The following PLGRKT variants were observed in gnomAD, a reference collection of about 807,000 sequenced individuals.
The protein encoded by PLGRKT is plasminogen receptor (KT).
In PLGRKT, 22 loss-of-function variants were observed where a neutral mutation model predicts 18.5. That is an observed-to-expected ratio of 1.19 (90% confidence interval 0.85 to 1.70). The LOEUF (loss-of-function observed/expected upper bound fraction) is 1.70, where lower values mean the gene tolerates loss of function less well. PLGRKT is among the 40% of genes most tolerant of loss of function. The pLI, the probability that PLGRKT is intolerant of heterozygous loss-of-function variation, is 0.00. For synonymous variants in PLGRKT, 72 were observed against 52.8 expected, an observed-to-expected ratio of 1.36 and a Z score of -1.58; for missense variants, 235 against 174.4, an observed-to-expected ratio of 1.35 and a Z score of -1.96.
intron 3 of PLGRKT, among the ~76,000 whole-genome samples, chr9:5,367,190 T>TGC (rs1187974164): frequency 6.6e-6 from 1 of 152,028 alleles, no homozygotes; most frequent in African/African-American, 2.4e-5. Flanking sequence ...ACAGATTAAG[T>TGC]GCTATTCCTA....
At chr9:5,390,582 G>A (rs746781313) in intron 3 of PLGRKT, among the ~76,000 whole-genome samples, 1 of 151,842 alleles carries the variant, frequency 6.6e-6, no homozygotes, top group Non-Finnish European at 1.5e-5. Context: ...AGCAAATCAA[G>A]TTGGGGTTAG....
At chr9:5,371,829 G>A (rs865892698) in intron 3 of PLGRKT, among the ~76,000 whole-genome samples, 4 of 151,776 alleles carry the variant, frequency 2.6e-5, no homozygotes, top group Non-Finnish European at 5.9e-5. Context: ...ATATTTCATA[G>A]TATGATAGCT....
chr9:5,415,790 G>A (rs1218396387), intron 3 of PLGRKT, among the ~76,000 whole-genome samples: 1 of 151,976 alleles, frequency 6.6e-6, no homozygotes, highest in Non-Finnish European at 1.5e-5. Context: ...CTAAATAAAT[G>A]ACCAGTATTT....
chr9:5,388,317 C>T (rs975499522), intron 3 of PLGRKT, among the ~76,000 whole-genome samples: 1 of 151,876 alleles, frequency 6.6e-6, no homozygotes, highest in Non-Finnish European at 1.5e-5. Flanking sequence ...GAGAGATCAA[C>T]TGTGTCAAAA....
chr9:5,391,908 A>G (rs542579190), intron 3 of PLGRKT, among the ~76,000 whole-genome samples: 3 of 152,018 alleles, frequency 2.0e-5, no homozygotes, highest in African/African-American at 7.3e-5. Context: ...ATGCAGAAGT[A>G]GGGATGGGCA....
chr9:5,412,069 C>T (rs1818376332), intron 3 of PLGRKT, among the ~76,000 whole-genome samples: 1 of 152,164 alleles, frequency 6.6e-6, no homozygotes, highest in African/African-American at 2.4e-5. Context: ...TAAAAAGTGT[C>T]TATAATTAAA....
At chr9:5,427,882 T>C (rs551553033) in intron 3 of PLGRKT, among the ~76,000 whole-genome samples, 1 of 152,262 alleles carries the variant, frequency 6.6e-6, no homozygotes, top group African/African-American at 2.4e-5. Context: ...CTTGCCTAGA[T>C]GGTGGTGAGG....
In PLGRKT at chr9:5,418,674, C is replaced by A; in HGVS notation, c.81+13223G>T. The stretch of plus-strand genomic sequence containing the variant: ...CGTGCTCCTTGGAGATGGGCAGGGG[C>A]AGCATGTAGCACCCACTGCCGGGAA... On this transcript the variant is annotated intron_variant, in intron 3 of 5. Transcript: ENST00000223864. The surrounding 1 kb of genome is among the most constrained non-coding windows in gnomAD (Gnocchi z 4.2). 1 of 670,522 alleles carries A rather than the reference C, an allele frequency of 1.5e-6. No individual in the cohort carries two copies. The highest frequency in any genetic ancestry group is 1.6e-5 in the South Asian group (1 of 62,018). The allele number at this position is 670,522 out of a possible 1,614,324, so 41.5% of individuals were successfully genotyped here.
rs1415062356 is a variant in PLGRKT, at chr9:5,436,668, G to A, written c.-106C>T. 6.6e-6 allele frequency: 1 copy of A among 152,244 alleles called. No individual in the cohort carries two copies. Among genetic ancestry groups the A allele is most frequent in the East Asian group, 1.9e-4 (1 of 5,190 alleles). The allele number at this position is 152,244 out of a possible 1,614,324, so 9.4% of individuals were successfully genotyped here. A position where few individuals can be genotyped will look rare whatever the true frequency, so the allele number is the denominator to read the frequency against. ...GTTAAAGGTGGAAGCCAAGCAGGAA[G>A]AAGAGCTTCCTTATGGGAAACCACA... On this transcript the variant is annotated 5_prime_UTR_variant, in exon 2 of 6. Transcript: ENST00000223864.
At chr9:5,369,994 C>T (rs1478494988) in intron 3 of PLGRKT, among the ~76,000 whole-genome samples, 3 of 151,966 alleles carry the variant, frequency 2.0e-5, no homozygotes, top group African/African-American at 7.3e-5. Flanking sequence ...ATGTAGATAA[C>T]GTGTTGATGG....
intron 3 of PLGRKT, among the ~76,000 whole-genome samples, chr9:5,422,100 G>C (rs774299117): frequency 6.6e-6 from 1 of 152,104 alleles, no homozygotes; most frequent in Non-Finnish European, 1.5e-5. Flanking sequence ...TCCACACAAC[G>C]AATGTCAAAG....
intron 3 of PLGRKT, among the ~76,000 whole-genome samples, chr9:5,414,933 G>T (rs1432972405): frequency 3.3e-5 from 5 of 152,200 alleles, no homozygotes; most frequent in Non-Finnish European, 5.9e-5. Flanking sequence ...CAGATAGGTA[G>T]ATATAGAAAT....
intron 3 of PLGRKT, among the ~76,000 whole-genome samples, chr9:5,387,900 T>C (rs1438585019): frequency 6.6e-6 from 1 of 151,572 alleles, no homozygotes; most frequent in Admixed American, 6.6e-5. Context: ...TGGGGTAGAG[T>C]GACACCAGTG....
At chr9:5,365,297 C>T (rs1817361216) in intron 3 of PLGRKT, among the ~76,000 whole-genome samples, 1 of 152,064 alleles carries the variant, frequency 6.6e-6, no homozygotes, top group Non-Finnish European at 1.5e-5. Context: ...TGAAAGAGCT[C>T]CTAATGTCCA....
At chr9:5,379,968 A>C (rs1002295178) in intron 3 of PLGRKT, among the ~76,000 whole-genome samples, 1 of 152,260 alleles carries the variant, frequency 6.6e-6, no homozygotes, top group African/African-American at 2.4e-5. Flanking sequence ...CAATATAAAC[A>C]GTATTTGTAA....
In PLGRKT at chr9:5,424,691, T is replaced by TATATATATATATATACAC. The variant is rs201541927; in HGVS notation, c.81+7205_81+7206insGTGTATATATATATATAT. Among the ~76,000 whole-genome samples the TATATATATATATATACAC allele has an allele frequency of 2.0e-3, 138 of 70,492 alleles. 3 individuals carry two copies. The highest frequency in any genetic ancestry group is 8.1e-3 in the African/African-American group (132 of 16,374). 46.2% of individuals were successfully genotyped at this position (70,492 alleles called of 152,430 possible). ...TTTTATATATATATATATATATATA[T>TATATATATATATATACAC]ACACACAGGGGGGGGAGAGAGGGAG... On this transcript the variant is annotated intron_variant, in intron 3 of 5. Coordinates refer to ENST00000223864, the MANE Select transcript of PLGRKT (RefSeq NM_018465.4).
chr9:5,368,561 A>G (rs191013219), intron 3 of PLGRKT, among the ~76,000 whole-genome samples: 81 of 152,296 alleles, frequency 5.3e-4, no homozygotes, highest in African/African-American at 1.7e-3. Context: ...GATGGCAACA[A>G]TAGACACCAA....
At chr9:5,426,557 CT>C (rs1440634177) in intron 3 of PLGRKT, among the ~76,000 whole-genome samples, 3 of 152,190 alleles carry the variant, frequency 2.0e-5, no homozygotes, top group Non-Finnish European at 4.4e-5. Context: ...CCTGTTCATC[CT>C]TTCTTGAAAT....
intron 3 of PLGRKT, among the ~76,000 whole-genome samples, chr9:5,395,995 G>A (rs1307046723): frequency 6.7e-6 from 1 of 149,238 alleles, no homozygotes; most frequent in Non-Finnish European, 1.5e-5. Context: ...CCGAGTTCAA[G>A]CGATTCTCCT....
Sources: gnomAD v4.1 joint callset for allele counts (sites outside exome capture counted in the v4.1 genomes callset) on GRCh38, gnomAD v4.1.1 for gene constraint, Gnocchi (gnomAD v3.1) non-coding constraint, MANE v1.5 for transcripts, NCBI Gene and HGNC (gene_info 2026-07-23, HGNC 2026-07-21) for gene names.